Variants in CLMP observed in about 807,000 individuals in gnomAD.
The protein encoded by CLMP is CXADR like cell adhesion molecule.
In CLMP, 27 loss-of-function variants were observed where a neutral mutation model predicts 45.2. That is an observed-to-expected ratio of 0.60 (90% CI 0.44 to 0.82). The LOEUF is 0.82. CLMP is among the 40% of genes least tolerant of loss of function. The pLI, the probability that CLMP is intolerant of heterozygous loss-of-function variation, is 0.00. For missense variants in CLMP, 403 were observed against 448.4 expected, an observed-to-expected ratio of 0.90 and a Z score of 0.91; for synonymous variants, 167 against 171.4, an observed-to-expected ratio of 0.97 and a Z score of 0.20.
rs35399534 is a variant in CLMP, at chr11:123,128,035, C to CAAAAA, written c.29-30088_29-30084dup. ...CTGGTGACAGAATGAGACTCTGTCTCAAAAAAAAAAAAAAAAAAGGTAATA... is the reference window on the plus strand; with the variant it reads ...CTGGTGACAGAATGAGACTCTGTCTCAAAAAAAAAAAAAAAAAAAAAAAGGTAATA... On this transcript the variant is annotated intron_variant, in intron 1 of 6. Coordinates refer to ENST00000448775, the MANE Select transcript of CLMP (RefSeq NM_024769.5). Among the ~76,000 whole-genome samples the CAAAAA allele has an allele frequency of 9.1e-3, 836 of 91,754 alleles. 19 individuals carry two copies. The highest frequency in any genetic ancestry group is 0.068 in the East Asian group (142 of 2,092). 60.2% of individuals were successfully genotyped at this position (91,754 alleles called of 152,430 possible).
chr11:123,114,112 G>A (rs186009109), intron 1 of CLMP, among the ~76,000 whole-genome samples: 158 of 152,142 alleles, frequency 1.0e-3, no homozygotes, highest in African/African-American at 3.2e-3. Flanking sequence ...TATTACCTTC[G>A]TCAGAGAGAT....
Position 123,072,651 on chromosome 11 carries a change from A to G in CLMP, c.*823T>C, listed in dbSNP as rs902856286. On this transcript the variant is annotated 3_prime_UTR_variant, in exon 7 of 7. Transcript: ENST00000448775. ...GTATTTTCTCCTTCCAGAAATATCTAGCAGGAAAGTCCTTAGAGGCATCTG... is the reference window on the plus strand; with the variant it reads ...GTATTTTCTCCTTCCAGAAATATCTGGCAGGAAAGTCCTTAGAGGCATCTG... 2.0e-5 allele frequency: 3 copies of G among 152,216 alleles called. No homozygotes were observed. The highest frequency in any genetic ancestry group is 4.4e-5 in the Non-Finnish European group (3 of 68,028). The allele number at this position is 152,216 out of a possible 1,614,324, so 9.4% of individuals were successfully genotyped here.
At chr11:123,097,101 C>CT (rs1353482354) in intron 2 of CLMP, among the ~76,000 whole-genome samples, 19 of 152,178 alleles carry the variant, frequency 1.2e-4, no homozygotes, top group Non-Finnish European at 1.8e-4. Context: ...GTTCACCCCC[C>CT]TCAGGCTCCC....
intron 1 of CLMP, among the ~76,000 whole-genome samples, chr11:123,179,499 C>T (rs957258600): frequency 6.6e-6 from 1 of 152,098 alleles, no homozygotes; most frequent in African/African-American, 2.4e-5. Context: ...ACCCTAGAGC[C>T]GCTAGAGGGG....
At chr11:123,139,065 A>G (rs1437940993) in intron 1 of CLMP, among the ~76,000 whole-genome samples, 1 of 152,112 alleles carries the variant, frequency 6.6e-6, no homozygotes, top group Non-Finnish European at 1.5e-5. Context: ...ATTCTACTGG[A>G]ACACAGCTAT....
chr11:123,169,996 A>G (rs986225134), intron 1 of CLMP, among the ~76,000 whole-genome samples: 1 of 152,218 alleles, frequency 6.6e-6, no homozygotes, highest in Admixed American at 6.5e-5. Flanking sequence ...GTCTCCAGGT[A>G]CGGCTTCAGA....
intron 1 of CLMP, among the ~76,000 whole-genome samples, chr11:123,176,273 CT>C (rs1288448585): frequency 6.6e-6 from 1 of 152,050 alleles, no homozygotes. Context: ...AAGTGAGCCC[CT>C]GATTTTGTGC....
At position 123,185,387 on chromosome 11, in the gene CLMP, G is replaced by GGA. The variant is rs149937458; in HGVS notation, c.28+9524_28+9525dup. Among the ~76,000 whole-genome samples the GGA allele has an allele frequency of 5.3e-3, 790 of 149,544 alleles. 1 individual carries two copies. The highest frequency in any genetic ancestry group is 0.015 in the African/African-American group (630 of 41,002). On this transcript the variant is annotated intron_variant, in intron 1 of 6. Transcript: ENST00000448775. ...GAGGGCAGGCCAATTTGGCGCCAGG[G>GGA]GAGAGAGAGAGAGAGAGAGAGCAGG...
chr11:123,115,921 C>T (rs1181187095), intron 1 of CLMP, among the ~76,000 whole-genome samples: 1 of 152,096 alleles, frequency 6.6e-6, no homozygotes, highest in Non-Finnish European at 1.5e-5. Flanking sequence ...CTCAGGGTCT[C>T]TCATGAAATA....
intron 2 of CLMP, among the ~76,000 whole-genome samples, chr11:123,092,636 T>C (rs920804107): frequency 6.6e-6 from 1 of 150,418 alleles, no homozygotes; most frequent in Non-Finnish European, 1.5e-5. Flanking sequence ...CTCTCTCTTT[T>C]GCCCAGGCTG....
At chr11:123,078,556 C>T (rs1445400084) in intron 5 of CLMP, among the ~76,000 whole-genome samples, 1 of 152,068 alleles carries the variant, frequency 6.6e-6, no homozygotes, top group Non-Finnish European at 1.5e-5. Context: ...AAGTGATTTT[C>T]CTACCTCAGC....
chr11:123,139,829 A>C (rs1367761661), intron 1 of CLMP, among the ~76,000 whole-genome samples: 1 of 151,852 alleles, frequency 6.6e-6, no homozygotes, highest in Non-Finnish European at 1.5e-5. Flanking sequence ...ATAAAGTAAA[A>C]TAAAATAAAA....
intron 1 of CLMP, among the ~76,000 whole-genome samples, chr11:123,117,094 C>G (rs148297192): frequency 0.024 from 3,636 of 152,196 alleles, 153 homozygotes; most frequent in African/African-American, 0.082. Flanking sequence ...ACTAAAAATA[C>G]AAAAATTAGC....
intron 2 of CLMP, among the ~76,000 whole-genome samples, chr11:123,088,629 A>T (rs1463629496): frequency 6.6e-6 from 1 of 151,384 alleles, no homozygotes; most frequent in African/African-American, 2.4e-5. Context: ...TGTTTATTTT[A>T]TTTATTTATT....
At chr11:123,135,259 C>CA (rs529613516) in intron 1 of CLMP, among the ~76,000 whole-genome samples, 1,805 of 88,904 alleles carry the variant, frequency 0.02, 25 homozygotes, top group Non-Finnish European at 0.025. Context: ...GACTCCGTCT[C>CA]AAAAAAAAAA....
At chr11:123,105,728 C>A (rs1860535257) in intron 1 of CLMP, among the ~76,000 whole-genome samples, 1 of 151,868 alleles carries the variant, frequency 6.6e-6, no homozygotes, top group African/African-American at 2.4e-5. Flanking sequence ...CTGTGCCAAG[C>A]CGTATTTACA....
intron 1 of CLMP, among the ~76,000 whole-genome samples, chr11:123,154,405 C>T (rs912895632): frequency 1.3e-5 from 2 of 152,198 alleles, no homozygotes; most frequent in African/African-American, 4.8e-5. Flanking sequence ...TAGGCAATGG[C>T]CTGTTCTGTG....
intron 1 of CLMP, among the ~76,000 whole-genome samples, chr11:123,150,475 GAAAGAA>G (rs1305739349): frequency 1.9e-5 from 2 of 104,122 alleles, no homozygotes; most frequent in Non-Finnish European, 4.2e-5. Context: ...AAGAAAGAAA[GAAAGAA>G]AGGAAGGAAG....
At chr11:123,129,400 AATATATATCAT>A (rs1860949977) in intron 1 of CLMP, among the ~76,000 whole-genome samples, 1 of 141,214 alleles carries the variant, frequency 7.1e-6, no homozygotes, top group African/African-American at 2.7e-5. Flanking sequence ...TATTATATAA[AATATATATCAT>A]ATGATATATT....
Sources: allele counts gnomAD v4.1 joint callset (sites outside exome capture counted in the v4.1 genomes callset), GRCh38; gene constraint gnomAD v4.1.1; transcripts MANE v1.5; gene names NCBI Gene and HGNC (gene_info 2026-07-23, HGNC 2026-07-21).